TRIM4: variants seen among roughly 807,000 people sequenced by gnomAD.
TRIM4 encodes the protein tripartite motif containing 4, also known as E3 ubiquitin-protein ligase TRIM4.
TRIM4 carries 29 observed loss-of-function variants against 33.7 expected under a neutral mutation model. The ratio of observed to expected loss-of-function variants is 0.86; its 90% confidence interval spans 0.64 to 1.17. The LOEUF is 1.17. Among genes scored for constraint, TRIM4 ranks in the 50% most tolerant of loss-of-function variants. The pLI, the probability that TRIM4 is intolerant of heterozygous loss-of-function variation, is 0.00. For synonymous variants in TRIM4, 224 were observed against 233.0 expected, an observed-to-expected ratio of 0.96 and a Z score of 0.35; for missense variants, 554 against 593.7, an observed-to-expected ratio of 0.93 and a Z score of 0.69.
intron 5 of TRIM4, chr7:99,901,939 C>T (rs1450637208): frequency 1.0e-5 from 6 of 601,792 alleles, no homozygotes; most frequent in Admixed American, 2.9e-5. Context: ...CTTTGTTCTC[C>T]GTGAACTCCC....
At chr7:99,911,809 T>C (rs1819450257) in intron 1 of TRIM4, among the ~76,000 whole-genome samples, 1 of 152,174 alleles carries the variant, frequency 6.6e-6, no homozygotes, top group Non-Finnish European at 1.5e-5. Context: ...AATGAAAACA[T>C]GTACCCATAA....
At chr7:99,897,536 G>C (rs1482046820) in intron 5 of TRIM4, among the ~76,000 whole-genome samples, 1 of 152,092 alleles carries the variant, frequency 6.6e-6, no homozygotes, top group East Asian at 1.9e-4. Flanking sequence ...ACATCACACT[G>C]TACCTCATAA....
At chr7:99,909,485 A>T in intron 2 of TRIM4, 80 bp downstream of exon 2, 1 of 1,256,508 alleles carries the variant, frequency 8.0e-7, no homozygotes, top group Non-Finnish European at 1.1e-6. Flanking sequence ...CCCCATGACC[A>T]AAAGGACCTC....
At chr7:99,896,530 AT>A (rs2151641977) in intron 5 of TRIM4, among the ~76,000 whole-genome samples, 1 of 152,338 alleles carries the variant, frequency 6.6e-6, no homozygotes, top group African/African-American at 2.4e-5. Flanking sequence ...CACCCAGCAT[AT>A]AAGTCCTCAA....
At chr7:99,903,338 T>C in intron 4 of TRIM4, 23 bp from the exon 5 acceptor site, 1 of 1,570,570 alleles carries the variant, frequency 6.4e-7, no homozygotes, top group East Asian at 2.2e-5. Flanking sequence ...AGAAGACTGC[T>C]CTTAGGGGAC....
At chr7:99,917,775 A>G (rs1248997554) in intron 1 of TRIM4, 33 of 966,056 alleles carry the variant, frequency 3.4e-5, no homozygotes, top group South Asian at 1.4e-4. Context: ...TACTTACTGC[A>G]TATCAATTCT....
At chr7:99,896,096 CCTT>C (rs1819010340) in intron 5 of TRIM4, among the ~76,000 whole-genome samples, 1 of 152,008 alleles carries the variant, frequency 6.6e-6, no homozygotes, top group South Asian at 2.1e-4. Flanking sequence ...TCTTTTTCTG[CCTT>C]ATTTTTTATT....
At chr7:99,917,052 C>A (rs553082636) in intron 1 of TRIM4, among the ~76,000 whole-genome samples, 2 of 152,350 alleles carry the variant, frequency 1.3e-5, no homozygotes, top group African/African-American at 4.8e-5. Context: ...GAAATACCTT[C>A]TTTCCTACCT....
At chr7:99,916,310 G>A (rs761494839) in intron 1 of TRIM4, among the ~76,000 whole-genome samples, 64 of 152,010 alleles carry the variant, frequency 4.2e-4, no homozygotes, top group Non-Finnish European at 8.7e-4. Flanking sequence ...TACTCTCTAT[G>A]TGGTCCTCCT....
chr7:99,919,336 C>T lies in TRIM4; in HGVS notation c.66G>A (p.Pro22=). The T allele has an allele frequency of 6.3e-7, 1 of 1,578,742 alleles. No individual in the cohort carries two copies. Among genetic ancestry groups the T allele is most frequent in the African/African-American group, 1.4e-5 (1 of 73,120 alleles). The part of the protein sequence containing the change: ...CPICLDYFQD[P]VSIECGHNFC... ...AGTTGTGGCCGCACTCGATGGACAC[C>T]GGGTCCTGGAAATAGTCCAGGCAGA... The change falls in exon 1 of 6, where the codon CCG becomes CCA. Residue 22 remains proline, a synonymous_variant. Coordinates refer to ENST00000349062, the MANE Select transcript of TRIM4 (RefSeq NM_033091.3).
chr7:99,909,484 CA>C, intron 2 of TRIM4, 80 bp downstream of exon 2: 5 of 1,243,268 alleles, frequency 4.0e-6, no homozygotes, highest in Non-Finnish European at 4.6e-6. Context: ...ACCCCATGAC[CA>C]AAAGGACCTC....
chr7:99,914,118 C>A (rs1277194444), intron 1 of TRIM4, among the ~76,000 whole-genome samples: 1 of 152,128 alleles, frequency 6.6e-6, no homozygotes, highest in South Asian at 2.1e-4. Context: ...TTGAAGCCAC[C>A]ATCATCTTTT....
intron 5 of TRIM4, among the ~76,000 whole-genome samples, chr7:99,896,766 G>A (rs1227905166): frequency 6.6e-6 from 1 of 152,252 alleles, no homozygotes; most frequent in African/African-American, 2.4e-5. Flanking sequence ...TCCTTGATGG[G>A]TGGGGCCCAC....
In TRIM4 at chr7:99,909,623, T is replaced by C. The variant is rs1438740788; in HGVS notation, c.431A>G (p.Lys144Arg). 1.2e-6 allele frequency: 2 copies of C among 1,613,898 alleles called. No homozygotes were observed. Among genetic ancestry groups the C allele is most frequent in the Non-Finnish European group, 1.7e-6 (2 of 1,180,014 alleles). Residue 144 changes from lysine (K) to arginine (R), a missense_variant, in exon 2 of 6, where the codon AAG becomes AGG. Around this residue, in one of 3 missense-constraint regions of TRIM4, gnomAD observed 233 missense variants for 203.1 expected, o/e 1.15. Coordinates refer to ENST00000349062, the MANE Select transcript of TRIM4 (RefSeq NM_033091.3). ...LLKSQRNLVAKMKKVMHLQDV... is the reference protein window; with the variant it reads ...LLKSQRNLVARMKKVMHLQDV... ...CTGTAAATGCATGACTTTCTTCATC[T>C]TGGCCACGAGATTACGCTGAGACTT...
At chr7:99,893,952 A>G (rs938645107) in intron 5 of TRIM4, among the ~76,000 whole-genome samples, 3 of 150,972 alleles carry the variant, frequency 2.0e-5, no homozygotes, top group Admixed American at 6.7e-5. Context: ...CCACTGAGAC[A>G]ATCACATGGT....
intron 2 of TRIM4, among the ~76,000 whole-genome samples, chr7:99,909,177 T>C (rs66953435): frequency 6.6e-6 from 1 of 151,768 alleles, no homozygotes; most frequent in African/African-American, 2.4e-5. Context: ...TGTGCATCCA[T>C]TCATCTGTTT....
intron 2 of TRIM4, among the ~76,000 whole-genome samples, chr7:99,909,220 T>C (rs2151649485): frequency 6.6e-6 from 1 of 151,856 alleles, no homozygotes; most frequent in African/African-American, 2.4e-5. Flanking sequence ...AAACCGACTC[T>C]AACCTAGGGA....
At chr7:99,894,548 T>C (rs545137440) in intron 5 of TRIM4, among the ~76,000 whole-genome samples, 21 of 151,874 alleles carry the variant, frequency 1.4e-4, no homozygotes, top group Non-Finnish European at 2.8e-4. Context: ...GCACCTGCAG[T>C]CCCAGCTACT....
chr7:99,891,275 C>CTCT lies in TRIM4; in HGVS notation c.*885_*887dup, dbSNP rs1818886974. On this transcript the variant is annotated 3_prime_UTR_variant, in exon 6 of 6. Coordinates refer to ENST00000349062, the MANE Select transcript of TRIM4 (RefSeq NM_033091.3). ...CAGCTGGCCAATACTGAGCTAGTTA[C>CTCT]TCTAAAGAGTTCAGTTTTCTCATTT... 1.3e-5 allele frequency: 2 copies of CTCT among 152,200 alleles called. No homozygotes were observed. The highest frequency in any genetic ancestry group is 3.2e-3 in the Middle Eastern group (1 of 316). The allele number at this position is 152,200 out of a possible 1,614,324, so 9.4% of individuals were successfully genotyped here.
Sources: allele counts gnomAD v4.1 joint callset (sites outside exome capture counted in the v4.1 genomes callset), GRCh38; gene constraint gnomAD v4.1.1; regional missense constraint gnomAD v4.1.1; transcripts MANE v1.5; gene names NCBI Gene and HGNC (gene_info 2026-07-23, HGNC 2026-07-21).